The following TINAGL1 variants were observed in gnomAD, a reference collection of about 807,000 sequenced individuals.
TINAGL1 encodes the protein tubulointerstitial nephritis antigen like 1.
TINAGL1 carries 34 observed loss-of-function variants against 62.0 expected under a neutral mutation model. The ratio of observed to expected loss-of-function variants is 0.55; its 90% CI spans 0.42 to 0.73. The LOEUF is 0.73. Among genes scored for constraint, TINAGL1 ranks in the 30% least tolerant of loss-of-function variants. TINAGL1 has a pLI of 0.00. For missense variants in TINAGL1, 516 were observed against 653.2 expected, an observed-to-expected ratio of 0.79 and a Z score of 2.29; for synonymous variants, 221 against 249.7, an observed-to-expected ratio of 0.88 and a Z score of 1.08.
rs748174330 is a variant in TINAGL1 at position 31,583,499 on chromosome 1, C to A, written c.506C>A (p.Thr169Asn). The A allele has an allele frequency of 2.5e-6, 4 of 1,613,956 alleles. No individual in the cohort carries two copies. Among genetic ancestry groups the A allele is most frequent in the Non-Finnish European group, 3.4e-6 (4 of 1,180,008 alleles). Reference sequence around the variant, plus strand: ...AACCACAGCGCCTTCTGGGGCATGACCCTGGATGAGGGCATTCGCTACCGC... The same window carrying A: ...AACCACAGCGCCTTCTGGGGCATGAACCTGGATGAGGGCATTCGCTACCGC... ...AGNHSAFWGM[T>N]LDEGIRYRLG... Residue 169 changes from threonine to asparagine, a missense_variant, in exon 5 of 12, where the codon ACC becomes AAC. Coordinates refer to ENST00000271064, the MANE Select transcript of TINAGL1 (RefSeq NM_022164.3). The surrounding 1 kb of genome is among the most constrained non-coding windows in gnomAD (Gnocchi z 4.4).
Position 31,583,154 on chromosome 1 carries a change from G to A in TINAGL1, c.380G>A (p.Cys127Tyr), listed in dbSNP as rs1639291251. Residue 127 changes from cysteine (C) to tyrosine (Y), a missense_variant, in exon 4 of 12, where the codon TGC becomes TAC. Coordinates refer to ENST00000271064, the MANE Select transcript of TINAGL1 (RefSeq NM_022164.3). The surrounding 1 kb of genome is among the most constrained non-coding windows in gnomAD (Gnocchi z 4.4). ...TTCTCTCCTTTTCTCACCAGCACCTGCCAGGAGAACAGGCAGTGGCAGTGT... is the reference window on the plus strand; with the variant it reads ...TTCTCTCCTTTTCTCACCAGCACCTACCAGGAGAACAGGCAGTGGCAGTGT... ...TYWDNCNRCT[C>Y]QENRQWQCDQ... 9 of 1,614,096 alleles carry A rather than the reference G, an allele frequency of 5.6e-6. No homozygotes were observed. The highest frequency in any genetic ancestry group is 7.6e-6 in the Non-Finnish European group (9 of 1,179,998).
chr1:31,583,070 T>A lies in TINAGL1; in HGVS notation c.375-79T>A. The A allele has an allele frequency of 7.7e-7, 1 of 1,301,812 alleles. No homozygotes were observed. The highest frequency in any genetic ancestry group is 1.1e-6 in the Non-Finnish European group (1 of 897,058). The allele number at this position is 1,301,812 out of a possible 1,614,324, so 80.6% of individuals were successfully genotyped here. A position where few individuals can be genotyped will look rare whatever the true frequency, so the allele number is the denominator to read the frequency against. On this transcript the variant is annotated intron_variant, in intron 3 of 11. Coordinates refer to ENST00000271064, the MANE Select transcript of TINAGL1 (RefSeq NM_022164.3). This position sits in a 1 kb window ranked among gnomAD's most constrained non-coding sequence, Gnocchi z 4.4. ...TCACTTGCACAGACTCCCTGGCCCA[T>A]GTTAACCTCCGAGGCCACATTCCTT... is the stretch of plus-strand genomic sequence containing the variant.
intron 3 of TINAGL1, among the ~76,000 whole-genome samples, chr1:31,581,014 G>A (rs1639229817): frequency 6.6e-6 from 1 of 152,188 alleles, no homozygotes; most frequent in African/African-American, 2.4e-5. Context: ...CTCTGAGGAA[G>A]GGACATTTAT....
At position 31,585,735 on chromosome 1, in the gene TINAGL1, C is replaced by A; in HGVS notation, c.1094-18C>A. On this transcript the variant is annotated intron_variant, in intron 9 of 11. Transcript: ENST00000271064. This position sits in a 1 kb window ranked among gnomAD's most constrained non-coding sequence, Gnocchi z 4.3. Reference sequence around the variant, plus strand: ...TGCCAACGGGCTGAGTGGACCCTACCTTGACATCTGCCCACAGCCCTCATG... The same window carrying A: ...TGCCAACGGGCTGAGTGGACCCTACATTGACATCTGCCCACAGCCCTCATG... 1 of 1,609,876 alleles carries A rather than the reference C, an allele frequency of 6.2e-7. No individual in the cohort carries two copies. The highest frequency in any genetic ancestry group is 1.1e-5 in the South Asian group (1 of 90,248).
intron 3 of TINAGL1, chr1:31,580,839 T>C (rs1639225670): frequency 6.0e-6 from 7 of 1,162,220 alleles, no homozygotes; most frequent in Non-Finnish European, 7.6e-6. Context: ...GCTCAGGAGA[T>C]GGAGCGGGAA....
At chr1:31,580,364 G>A (rs1397168591) in intron 3 of TINAGL1, 2 of 1,287,648 alleles carry the variant, frequency 1.6e-6, no homozygotes, top group Non-Finnish European at 2.0e-6. Context: ...GGCAAAGGAG[G>A]AGATGGCAGG....
chr1:31,585,206 C>T lies in TINAGL1; in HGVS notation c.913C>T (p.Pro305Ser). The T allele has an allele frequency of 6.2e-7, 1 of 1,610,060 alleles. No homozygotes were observed. The highest frequency in any genetic ancestry group is 8.5e-7 in the Non-Finnish European group (1 of 1,177,688). Residue 305 changes from proline (P) to serine (S), a missense_variant, in exon 8 of 12, where the codon CCT becomes TCT. Pro to Ser is a moderately conservative substitution (Grantham distance 74). Transcript: ENST00000271064. The surrounding 1 kb of genome is among the most constrained non-coding windows in gnomAD (Gnocchi z 4.3). ...FSGRERDEAG[P>S]APPCMMHSRA... Reference sequence around the variant, plus strand: ...GGGCCGTGAACGAGACGAGGCTGGCCCTGCGCCCCCCTGTATGATGCACAG... The same window carrying T: ...GGGCCGTGAACGAGACGAGGCTGGCTCTGCGCCCCCCTGTATGATGCACAG...
chr1:31,581,059 C>T (rs1639231100), intron 3 of TINAGL1, among the ~76,000 whole-genome samples: 1 of 152,140 alleles, frequency 6.6e-6, no homozygotes, highest in South Asian at 2.1e-4. Flanking sequence ...AGAGGCCTGG[C>T]CTAGGCAGAG....
intron 3 of TINAGL1, among the ~76,000 whole-genome samples, chr1:31,581,004 C>T (rs1639229638): frequency 6.6e-6 from 1 of 152,154 alleles, no homozygotes; most frequent in African/African-American, 2.4e-5. Context: ...GGGAAAGCTA[C>T]TCTGAGGAAG....
In TINAGL1 at chr1:31,577,564, T is replaced by G; in HGVS notation, c.310+106T>G. On this transcript the variant is annotated intron_variant, in intron 2 of 11. Transcript: ENST00000271064. This position sits in a 1 kb window ranked among gnomAD's most constrained non-coding sequence, Gnocchi z 5.4. ...GCACTGACATTTCCAGGGGAAGCTC[T>G]GTAGAATCTGGGACTCTTCCCTGCC... is the stretch of plus-strand genomic sequence containing the variant. The G allele has an allele frequency of 2.3e-6, 3 of 1,285,430 alleles. No individual in the cohort carries two copies. Among genetic ancestry groups the G allele is most frequent in the Non-Finnish European group, 3.2e-6 (3 of 930,800 alleles). 79.6% of individuals were successfully genotyped at this position (1,285,430 alleles called of 1,614,324 possible).
intron 10 of TINAGL1, chr1:31,586,496 G>T: frequency 1.6e-6 from 1 of 619,972 alleles, no homozygotes; most frequent in Non-Finnish European, 2.9e-6. Context: ...TGTCCCCTTG[G>T]TGCCCCACCC....
Position 31,585,428 on chromosome 1 carries a change from C to T in TINAGL1, c.1048-12C>T, listed in dbSNP as rs761286623. 6.2e-7 allele frequency: 1 copy of T among 1,614,064 alleles called. No individual in the cohort carries two copies. Among genetic ancestry groups the T allele is most frequent in the Non-Finnish European group, 8.5e-7 (1 of 1,179,952 alleles). ...CCTGACGTATGCTCTCTGTCCATCC[C>T]CTGCCCTCCAGGACAAGGAGATCAT... On this transcript the variant is annotated splice_polypyrimidine_tract_variant and intron_variant, in intron 8 of 11. Transcript: ENST00000271064. This position sits in a 1 kb window ranked among gnomAD's most constrained non-coding sequence, Gnocchi z 4.3.
chr1:31,578,657 GGTGTGT>G (rs10577315), intron 2 of TINAGL1, among the ~76,000 whole-genome samples: 16 of 77,742 alleles, frequency 2.1e-4, no homozygotes, highest in South Asian at 1.2e-3. Context: ...AGTGAGAGCT[GGTGTGT>G]GTGTGTGTGT....
At chr1:31,580,846 G>A (rs1033457531) in intron 3 of TINAGL1, 3 of 1,131,298 alleles carry the variant, frequency 2.7e-6, no homozygotes, top group African/African-American at 1.6e-5. Context: ...AGATGGAGCG[G>A]GAATGCAACA....
At chr1:31,580,638 C>T (rs922446603) in intron 3 of TINAGL1, 1 of 1,289,318 alleles carries the variant, frequency 7.8e-7, no homozygotes, top group Non-Finnish European at 1.0e-6. Context: ...CATACTGGGT[C>T]TTGGCTCCCC....
chr1:31,583,603 C>A lies in TINAGL1; in HGVS notation c.582+28C>A. On this transcript the variant is annotated intron_variant, in intron 5 of 11. Transcript: ENST00000271064. This position sits in a 1 kb window ranked among gnomAD's most constrained non-coding sequence, Gnocchi z 4.4. ...AAGTCCATCCTTCCCCACAATGCTG[C>A]CATCTCCCCATGGCTCAGAACCTCA... is the stretch of plus-strand genomic sequence containing the variant. 1 of 1,573,042 alleles carries A rather than the reference C, an allele frequency of 6.4e-7. No individual in the cohort carries two copies. The highest frequency in any genetic ancestry group is 8.7e-7 in the Non-Finnish European group (1 of 1,154,140).
chr1:31,585,134 T>C lies in TINAGL1; in HGVS notation c.858-17T>C. On this transcript the variant is annotated splice_polypyrimidine_tract_variant and intron_variant, in intron 7 of 11. Transcript: ENST00000271064. This position sits in a 1 kb window ranked among gnomAD's most constrained non-coding sequence, Gnocchi z 4.3. Reference sequence around the variant, plus strand: ...ACTGAGTCTTTCTGCCTTTGCTCCCTCTTGCTGCCTTTGCAGGGTGGTGTC... The same window carrying C: ...ACTGAGTCTTTCTGCCTTTGCTCCCCCTTGCTGCCTTTGCAGGGTGGTGTC... 6.4e-7 allele frequency: 1 copy of C among 1,568,128 alleles called. No individual in the cohort carries two copies. The highest frequency in any genetic ancestry group is 8.7e-7 in the Non-Finnish European group (1 of 1,153,896).
At chr1:31,582,943 G>A (rs1329279996) in intron 3 of TINAGL1, among the ~76,000 whole-genome samples, 3 of 152,136 alleles carry the variant, frequency 2.0e-5, no homozygotes, top group Non-Finnish European at 4.4e-5. Context: ...CTGGTGTTCA[G>A]GCAGAGATCT....
In TINAGL1 at chr1:31,583,046, C is replaced by A; in HGVS notation, c.375-103C>A. ...GATCACCTAGAGATTCTCCCACAGT[C>A]ACTTGCACAGACTCCCTGGCCCATG... On this transcript the variant is annotated intron_variant, in intron 3 of 11. Coordinates refer to ENST00000271064, the MANE Select transcript of TINAGL1 (RefSeq NM_022164.3). The surrounding 1 kb of genome is among the most constrained non-coding windows in gnomAD (Gnocchi z 4.4). 2.0e-6 allele frequency: 2 copies of A among 976,228 alleles called. No individual in the cohort carries two copies. The highest frequency in any genetic ancestry group is 3.3e-6 in the Non-Finnish European group (2 of 606,954). 60.5% of individuals were successfully genotyped at this position (976,228 alleles called of 1,614,324 possible).
Sources: gnomAD v4.1 joint callset for allele counts (sites outside exome capture counted in the v4.1 genomes callset) on GRCh38, gnomAD v4.1.1 for gene constraint, Gnocchi (gnomAD v3.1) non-coding constraint, MANE v1.5 for transcripts, NCBI Gene and HGNC (gene_info 2026-07-23, HGNC 2026-07-21) for gene names.